Variants in SNED1 observed in about 807,000 individuals in gnomAD.
The protein encoded by SNED1 is sushi, nidogen and EGF like domains 1, also known as sushi, nidogen and EGF-like domain-containing protein 1.
Under a neutral mutation model 166.7 loss-of-function variants are expected in SNED1, and 81 were observed. That is an observed-to-expected ratio of 0.49 (90% confidence interval 0.41 to 0.58). SNED1 has a LOEUF of 0.58. SNED1 is among the 20% of genes least tolerant of loss of function. The probability of loss-of-function intolerance (pLI) is 0.00; values close to 1 mark genes in which losing one functional copy is unlikely to be tolerated. For missense variants in SNED1, 1,604 were observed against 2,000.2 expected, an observed-to-expected ratio of 0.80 and a Z score of 3.78; for synonymous variants, 762 against 822.0, an observed-to-expected ratio of 0.93 and a Z score of 1.25.
chr2:241,029,225 G>A (rs1370067210), intron 1 of SNED1, among the ~76,000 whole-genome samples: 1 of 152,202 alleles, frequency 6.6e-6, no homozygotes, highest in Non-Finnish European at 1.5e-5. Context: ...TGGTCAGCTC[G>A]AGCTGCTGCA....
At chr2:241,017,904 G>A (rs1033700556) in intron 1 of SNED1, among the ~76,000 whole-genome samples, 5 of 152,168 alleles carry the variant, frequency 3.3e-5, no homozygotes, top group East Asian at 1.9e-4. Context: ...TGACGCCACC[G>A]TCAATAATTA....
intron 16 of SNED1, among the ~76,000 whole-genome samples, chr2:241,060,929 CAAAAA>C: frequency 7.1e-6 from 1 of 141,052 alleles, no homozygotes; most frequent in East Asian, 2.0e-4. Flanking sequence ...GACCCTGTCT[CAAAAA>C]AAAACAACCA....
intron 16 of SNED1, among the ~76,000 whole-genome samples, chr2:241,057,934 T>C (rs562876886): frequency 3.2e-4 from 48 of 152,066 alleles, no homozygotes; most frequent in Non-Finnish European, 6.3e-4. Context: ...AAAAAAGTAA[T>C]CAGAAGAACA....
In SNED1 at chr2:241,071,669, T is replaced by A; in HGVS notation, c.3683T>A (p.Leu1228Gln). The change falls in exon 25 of 32, where the codon CTG becomes CAG. Residue 1228 changes from leucine (L) to glutamine (Q), a missense_variant. Transcript: ENST00000310397. ...NRPPPARLPE[L>Q]RLLNDHSAPE... ...CCGCCCCCGGCGCGCCTGCCGGAGCTGCGCCTGCTCAATGACCACAGCGCC... is the reference window on the plus strand; with the variant it reads ...CCGCCCCCGGCGCGCCTGCCGGAGCAGCGCCTGCTCAATGACCACAGCGCC... The A allele has an allele frequency of 1.3e-6, 2 of 1,557,948 alleles. No homozygotes were observed.
At chr2:241,047,300 C>T (rs113258103) in intron 8 of SNED1, among the ~76,000 whole-genome samples, 2 of 152,098 alleles carry the variant, frequency 1.3e-5, no homozygotes, top group African/African-American at 4.8e-5. Context: ...GTCAATTCAT[C>T]CAGAAGACAT....
At chr2:241,076,887 C>G (rs992970159) in intron 27 of SNED1, among the ~76,000 whole-genome samples, 2 of 152,088 alleles carry the variant, frequency 1.3e-5, no homozygotes, top group African/African-American at 4.8e-5. Flanking sequence ...GTCAGGAGAT[C>G]GAGACCATGG....
intron 2 of SNED1, among the ~76,000 whole-genome samples, chr2:241,032,480 G>A (rs2061211053): frequency 6.8e-6 from 1 of 147,214 alleles, no homozygotes; most frequent in African/African-American, 2.5e-5. Flanking sequence ...ACCAGGGCCT[G>A]TCGTGGGGTG....
intron 1 of SNED1, among the ~76,000 whole-genome samples, chr2:241,011,924 C>G (rs1179193193): frequency 6.6e-6 from 1 of 152,198 alleles, no homozygotes; most frequent in Admixed American, 6.5e-5. Flanking sequence ...GCTTGTTCTG[C>G]CTCCTCCCTG....
At chr2:241,081,968 A>C (rs918911492) in intron 28 of SNED1, among the ~76,000 whole-genome samples, 175 bp downstream of exon 28, 1 of 152,214 alleles carries the variant, frequency 6.6e-6, no homozygotes, top group South Asian at 2.1e-4. Flanking sequence ...TGCTGCCCCA[A>C]GCACCAGGAT....
intron 1 of SNED1, among the ~76,000 whole-genome samples, chr2:241,023,599 A>C (rs904875211): frequency 2.6e-5 from 4 of 152,188 alleles, no homozygotes; most frequent in Non-Finnish European, 5.9e-5. Context: ...TTACTAGAGA[A>C]GATACATTGA....
At chr2:241,084,167 C>T (rs559860720) in intron 29 of SNED1, among the ~76,000 whole-genome samples, 73 of 142,278 alleles carry the variant, frequency 5.1e-4, no homozygotes, top group Admixed American at 4.8e-4. Context: ...ACAAAGTCTC[C>T]CTCTTGTCCC....
At chr2:241,000,468 C>T (rs1476442624) in intron 1 of SNED1, among the ~76,000 whole-genome samples, 1 of 152,220 alleles carries the variant, frequency 6.6e-6, no homozygotes, top group Non-Finnish European at 1.5e-5. Flanking sequence ...CAGAATGGTG[C>T]TCAGCGTTGG....
intron 16 of SNED1, among the ~76,000 whole-genome samples, chr2:241,061,834 C>T (rs1171478370): frequency 6.8e-6 from 1 of 146,466 alleles, no homozygotes; most frequent in African/African-American, 2.5e-5. Flanking sequence ...GCCTGGGCAA[C>T]GAGCGAAACT....
At chr2:241,024,654 TA>T (rs1307415365) in intron 1 of SNED1, among the ~76,000 whole-genome samples, 1 of 147,416 alleles carries the variant, frequency 6.8e-6, no homozygotes, top group Non-Finnish European at 1.5e-5. Flanking sequence ...TATTTTATCT[TA>T]TTTTATTTTA....
At chr2:241,033,548 G>A (rs548877570) in intron 2 of SNED1, 187 bp from the exon 3 acceptor site, 26 of 611,098 alleles carry the variant, frequency 4.3e-5, no homozygotes, top group African/African-American at 1.3e-4. Flanking sequence ...AGTGGCAGGC[G>A]CTGGGAGACA....
At chr2:241,011,542 A>G (rs545268183) in intron 1 of SNED1, among the ~76,000 whole-genome samples, 1 of 152,352 alleles carries the variant, frequency 6.6e-6, no homozygotes, top group South Asian at 2.1e-4. Context: ...CTAGCCATGA[A>G]CAGGGGCGTC....
chr2:241,075,865 G>GTT lies in SNED1; in HGVS notation c.3916+2502_3916+2503insTT, dbSNP rs2062995899. ...CATTAATCTGTTAGACTGTGTGTGT[G>GTT]TGAGAAGTTGGGCTACAATTTCATT... On this transcript the variant is annotated intron_variant, in intron 27 of 31. Transcript: ENST00000310397. The surrounding 1 kb of genome is among the most constrained non-coding windows in gnomAD (Gnocchi z 4.8). Among the ~76,000 whole-genome samples the GTT allele has an allele frequency of 6.6e-6, 1 of 152,124 alleles. No homozygotes were observed. The highest frequency in any genetic ancestry group is 1.5e-5 in the Non-Finnish European group (1 of 68,026).
Position 241,059,521 on chromosome 2 carries a change from A to G in SNED1, c.2258-3270A>G, listed in dbSNP as rs532731448. Among the ~76,000 whole-genome samples the G allele has an allele frequency of 9.2e-4, 140 of 152,346 alleles. 2 individuals carry two copies. In the Middle Eastern group the frequency reaches 0.014, roughly 15 times the overall value. On this transcript the variant is annotated intron_variant, in intron 16 of 31. Coordinates refer to ENST00000310397, the MANE Select transcript of SNED1 (RefSeq NM_001080437.3). ...AGACTGGTATCTCTCAAGAACATAG[A>G]CACAACAATCCAAACAAAATATTAC... is the stretch of plus-strand genomic sequence containing the variant.
chr2:241,040,183 A>G lies in SNED1; in HGVS notation c.1154A>G (p.Glu385Gly). 6.3e-7 allele frequency: 1 copy of G among 1,594,030 alleles called. No homozygotes were observed. Among genetic ancestry groups the G allele is most frequent in the Non-Finnish European group, 8.5e-7 (1 of 1,170,090 alleles). ...GCCGGATACACCGGAGCAGCCTGCG[A>G]GATGGGTGAGTGGCCTGGCTTCGGA... ...CQAGYTGAAC[E>G]MDVDDCSPDP... is the part of the protein sequence containing the mutation. The change falls in exon 7 of 32, where the codon GAG becomes GGG. Residue 385 changes from glutamate to glycine, a missense_variant. Glu to Gly is a moderately conservative substitution (Grantham distance 98, BLOSUM62 -2). Transcript: ENST00000310397.
Sources: gnomAD v4.1 joint callset for allele counts (sites outside exome capture counted in the v4.1 genomes callset) on GRCh38, gnomAD v4.1.1 for gene constraint, Gnocchi (gnomAD v3.1) non-coding constraint, MANE v1.5 for transcripts, NCBI Gene and HGNC (gene_info 2026-07-23, HGNC 2026-07-21) for gene names.